ERC1: variants seen among roughly 807,000 people sequenced by gnomAD.
ERC1 encodes the protein ELKS/RAB6-interacting/CAST family member 1.
In ERC1, 56 loss-of-function variants were observed where a neutral mutation model predicts 132.0. The ratio of observed to expected loss-of-function variants is 0.42; its 90% CI spans 0.34 to 0.53. The LOEUF (loss-of-function observed/expected upper bound fraction) is 0.53. Ranked by LOEUF, ERC1 falls within the 20% of genes least tolerant of loss-of-function variation. The pLI is 0.03. For missense variants in ERC1, 1,202 were observed against 1,349.9 expected (o/e 0.89, Z 1.72); for synonymous variants, 478 against 476.1 (o/e 1.00, Z -0.05).
chr12:1,376,415 TC>T (rs1339567260), intron 16 of ERC1, among the ~76,000 whole-genome samples: 1 of 152,082 alleles, frequency 6.6e-6, no homozygotes, highest in East Asian at 1.9e-4. Flanking sequence ...ACATGTTACC[TC>T]CCGTTCTGGG....
In ERC1 at chr12:1,389,191, G is replaced by A. The variant is rs187574427; in HGVS notation, c.2925+17214G>A. Reference sequence around the variant, plus strand: ...TCAAGAAGAAAGGCCATATATGGAAGAGAATATAACATGCTTATTTTTAGT... The same window carrying A: ...TCAAGAAGAAAGGCCATATATGGAAAAGAATATAACATGCTTATTTTTAGT... On this transcript the variant is annotated intron_variant, in intron 16 of 18. Coordinates refer to ENST00000360905, the MANE Select transcript of ERC1 (RefSeq NM_178040.4). Among the ~76,000 whole-genome samples, 12 of 152,318 alleles carry A rather than the reference G, an allele frequency of 7.9e-5. No individual in the cohort carries two copies. The East Asian group carries it at 1.7e-3, about 22-fold the overall frequency.
intron 16 of ERC1, among the ~76,000 whole-genome samples, chr12:1,394,227 C>G (rs1303337079): frequency 6.6e-6 from 1 of 150,452 alleles, no homozygotes; most frequent in Non-Finnish European, 1.5e-5. Flanking sequence ...GGTGAAACCC[C>G]ATCTCTACTA....
At chr12:1,323,007 G>A (rs2082211540) in intron 15 of ERC1, among the ~76,000 whole-genome samples, 1 of 152,046 alleles carries the variant, frequency 6.6e-6, no homozygotes, top group South Asian at 2.1e-4. Flanking sequence ...CCTACTTTCT[G>A]TTTCATCTCT....
chr12:1,377,792 C>A (rs1566718148), intron 16 of ERC1, among the ~76,000 whole-genome samples: 1 of 152,164 alleles, frequency 6.6e-6, no homozygotes, highest in South Asian at 2.1e-4. Flanking sequence ...TATCATCACT[C>A]TAGCCACTTG....
At chr12:1,217,809 T>A (rs552786949) in intron 12 of ERC1, among the ~76,000 whole-genome samples, 1 of 152,296 alleles carries the variant, frequency 6.6e-6, no homozygotes, top group Admixed American at 6.5e-5. Flanking sequence ...CCCTTCTAAA[T>A]CCCCTTGACT....
At chr12:1,008,663 C>A (rs918897984) in intron 1 of ERC1, among the ~76,000 whole-genome samples, 6 of 151,852 alleles carry the variant, frequency 4.0e-5, no homozygotes, top group Non-Finnish European at 1.5e-5. Context: ...TTTGTTCTTT[C>A]GTTATTTTCA....
rs573681390 is a variant in ERC1, at chr12:1,345,187, C to CTTTTTTTTTTTTTTTT, written c.2781-26635_2781-26634insTTTTTTTTTTTTTTTT. 1.8e-3 allele frequency among the ~76,000 whole-genome samples: 239 copies of CTTTTTTTTTTTTTTTT among 131,448 alleles called. 8 individuals carry two copies. The highest frequency in any genetic ancestry group is 2.7e-3 in the African/African-American group (91 of 33,786). 86.2% of individuals were successfully genotyped at this position (131,448 alleles called of 152,430 possible). A position where few individuals can be genotyped will look rare whatever the true frequency, so the allele number is the denominator to read the frequency against. On this transcript the variant is annotated intron_variant, in intron 15 of 18. Transcript: ENST00000360905. Reference sequence around the variant, plus strand: ...AGAGAATTTCAGTAGAATATTTCTTCTTTTTTTTTTTGAGACGGAGTCTCA... The same window carrying CTTTTTTTTTTTTTTTT: ...AGAGAATTTCAGTAGAATATTTCTTCTTTTTTTTTTTTTTTTTTTTTTTTTTTGAGACGGAGTCTCA...
chr12:1,313,973 G>T (rs571299550), intron 15 of ERC1, among the ~76,000 whole-genome samples: 12 of 152,162 alleles, frequency 7.9e-5, no homozygotes, highest in African/African-American at 2.9e-4. Flanking sequence ...AACAGAGTGA[G>T]ACTCTGTCTA....
intron 1 of ERC1, among the ~76,000 whole-genome samples, chr12:1,006,943 G>A (rs1376194639): frequency 2.0e-5 from 3 of 149,682 alleles, no homozygotes; most frequent in African/African-American, 4.9e-5. Context: ...ATATATATGT[G>A]TATATAGTAT....
intron 2 of ERC1, among the ~76,000 whole-genome samples, chr12:1,033,215 T>C (rs569353043): frequency 4.6e-5 from 7 of 152,136 alleles, no homozygotes; most frequent in Admixed American, 4.6e-4. Flanking sequence ...TTTTTGTATT[T>C]TCAGTAGAGA....
At chr12:1,259,273 T>C (rs1394444215) in intron 13 of ERC1, among the ~76,000 whole-genome samples, 3 of 152,120 alleles carry the variant, frequency 2.0e-5, no homozygotes, top group Non-Finnish European at 4.4e-5. Context: ...TCTTATATTA[T>C]TGTTGTATTA....
chr12:1,211,738 T>C (rs1220706182), intron 12 of ERC1, among the ~76,000 whole-genome samples: 1 of 151,864 alleles, frequency 6.6e-6, no homozygotes, highest in Non-Finnish European at 1.5e-5. Context: ...TTTTTTTTTT[T>C]TTTGTATTTT....
chr12:1,447,343 C>G (rs532392254), intron 18 of ERC1, among the ~76,000 whole-genome samples: 1 of 152,086 alleles, frequency 6.6e-6, no homozygotes, highest in East Asian at 1.9e-4. Context: ...CATAGAGAGA[C>G]CTCGTCTTTA....
chr12:1,358,824 T>A (rs924499348), intron 15 of ERC1, among the ~76,000 whole-genome samples: 4 of 152,212 alleles, frequency 2.6e-5, no homozygotes, highest in African/African-American at 4.8e-5. Flanking sequence ...GAAGCTGAGC[T>A]TGAGCCTCAA....
chr12:1,197,906 TTTTTGTTTTG>T (rs201199133), intron 12 of ERC1, among the ~76,000 whole-genome samples: 2 of 151,848 alleles, frequency 1.3e-5, no homozygotes, highest in Non-Finnish European at 2.9e-5. Context: ...TGGACTATTT[TTTTTGTTTTG>T]TTTTGTTTTG....
At chr12:1,363,131 C>T (rs561557016) in intron 15 of ERC1, among the ~76,000 whole-genome samples, 13 of 152,262 alleles carry the variant, frequency 8.5e-5, no homozygotes, top group African/African-American at 2.4e-4. Flanking sequence ...GATCTGCCTC[C>T]GATCCTTGTG....
chr12:1,379,175 C>G (rs2088312434), intron 16 of ERC1, among the ~76,000 whole-genome samples: 1 of 152,130 alleles, frequency 6.6e-6, no homozygotes, highest in African/African-American at 2.4e-5. Context: ...GTGTATTTTC[C>G]TCTCACGTTT....
intron 18 of ERC1, among the ~76,000 whole-genome samples, chr12:1,469,273 A>G (rs2154426800): frequency 6.6e-6 from 1 of 152,364 alleles, no homozygotes; most frequent in African/African-American, 2.4e-5. Context: ...GGCTGCCAGC[A>G]GCTGTCATAC....
intron 1 of ERC1, among the ~76,000 whole-genome samples, chr12:1,002,563 G>T (rs1962607290): frequency 1.3e-5 from 2 of 151,990 alleles, no homozygotes; most frequent in Admixed American, 1.3e-4. Context: ...CTGGGTCATA[G>T]GATATGCATA....
Sources: gnomAD v4.1 joint callset for allele counts (sites outside exome capture counted in the v4.1 genomes callset) on GRCh38, gnomAD v4.1.1 for gene constraint, MANE v1.5 for transcripts, NCBI Gene and HGNC (gene_info 2026-07-23, HGNC 2026-07-21) for gene names.